ERLEC1: variants seen among roughly 807,000 people sequenced by gnomAD.
ERLEC1 encodes the protein endoplasmic reticulum lectin 1.
ERLEC1 carries 47 observed loss-of-function variants against 68.0 expected under a neutral mutation model. That is an observed-to-expected ratio of 0.69 (90% CI 0.55 to 0.88). The LOEUF is 0.88. ERLEC1 is among the 40% of genes least tolerant of loss of function. The pLI is 0.00. For missense variants in ERLEC1, 567 were observed against 583.8 expected (o/e 0.97, Z 0.30); for synonymous variants, 225 against 203.2 (o/e 1.11, Z -0.91).
rs1425368918 is a variant in ERLEC1, at chr2:53,814,933, G to C, written c.1378G>C (p.Gly460Arg). Residue 460 changes from glycine (G) to arginine (R), a missense_variant and splice_region_variant, in exon 13 of 14, where the codon GGG (glycine) becomes CGG (arginine). Physicochemically the swap from Gly to Arg is moderately radical, Grantham distance 125. Coordinates refer to ENST00000185150, the MANE Select transcript of ERLEC1 (RefSeq NM_015701.5). ...LEPHSCQYIL[G>R]VESPVICKIL... is the part of the protein sequence containing the mutation. ...GCCTCACTCCTGTCAATATATTCTT[G>C]GGGTAAGTTAAAAAGAAAATAATCA... The C allele has an allele frequency of 1.3e-6, 2 of 1,564,372 alleles. No individual in the cohort carries two copies. The highest frequency in any genetic ancestry group is 1.4e-5 in the African/African-American group (1 of 73,230).
intron 13 of ERLEC1, among the ~76,000 whole-genome samples, chr2:53,815,340 G>A (rs1304212284): frequency 6.6e-6 from 1 of 152,072 alleles, no homozygotes; most frequent in Non-Finnish European, 1.5e-5. Flanking sequence ...AGTTTAGGAA[G>A]GACCTTCAGT....
In ERLEC1 at chr2:53,796,273, C is replaced by A. The variant is rs13407909; in HGVS notation, c.348+260C>A. ...TTTTTTTTTTTTTTTTCTTTTAATC[C>A]TCTCCCTCCTCCCATTCTTTACCTT... On this transcript the variant is annotated intron_variant, in intron 3 of 13. Coordinates refer to ENST00000185150, the MANE Select transcript of ERLEC1 (RefSeq NM_015701.5). 5.5e-3 allele frequency among the ~76,000 whole-genome samples: 778 copies of A among 141,834 alleles called. 11 individuals are homozygous for A. The highest frequency in any genetic ancestry group is 0.019 in the African/African-American group (740 of 38,298). The allele number at this position is 141,834 out of a possible 152,430, so 93.0% of individuals were successfully genotyped here.
In ERLEC1 at chr2:53,812,104, T is replaced by C. The variant is rs116142841; in HGVS notation, c.1102-845T>C. On this transcript the variant is annotated intron_variant, in intron 10 of 13. Transcript: ENST00000185150. ...GGCTAATTTTGTATTTTTAGTAGAG[T>C]AGTTTCTACATGTTGGTCAGGCCGG... 8.3e-3 allele frequency among the ~76,000 whole-genome samples: 1,257 copies of C among 151,878 alleles called. 13 individuals carry two copies. Among genetic ancestry groups the C allele is most frequent in the African/African-American group, 0.029 (1,197 of 41,446 alleles).
intron 2 of ERLEC1, among the ~76,000 whole-genome samples, chr2:53,794,740 C>T (rs573340695): frequency 8.5e-5 from 13 of 152,106 alleles, no homozygotes; most frequent in East Asian, 1.9e-4. Context: ...CTGCAACCTC[C>T]GACTCCCGGG....
intron 1 of ERLEC1, among the ~76,000 whole-genome samples, chr2:53,790,469 A>G (rs1675330771): frequency 6.6e-6 from 1 of 152,184 alleles, no homozygotes; most frequent in Admixed American, 6.5e-5. Context: ...TCTGTTTACT[A>G]ACTGAAATTG....
At chr2:53,796,252 T>G (rs1483726143) in intron 3 of ERLEC1, among the ~76,000 whole-genome samples, 1 of 151,104 alleles carries the variant, frequency 6.6e-6, no homozygotes, top group Non-Finnish European at 1.5e-5. Flanking sequence ...GTTGGTTTTT[T>G]TTTTTTTTTT....
intron 5 of ERLEC1, 136 bp from the exon 6 acceptor site, chr2:53,798,911 G>T (rs1398200327): frequency 1.8e-6 from 1 of 552,554 alleles, no homozygotes; most frequent in African/African-American, 1.9e-5. Flanking sequence ...TAGCTTTAAA[G>T]TAGTAAGATA....
chr2:53,791,906 T>TAAAA (rs569591198), intron 1 of ERLEC1, among the ~76,000 whole-genome samples: 3 of 117,764 alleles, frequency 2.5e-5, no homozygotes, highest in East Asian at 3.0e-4. Context: ...AATGCTCTTT[T>TAAAA]AAAAAAAAAA....
intron 11 of ERLEC1, among the ~76,000 whole-genome samples, chr2:53,813,305 C>T (rs137891969): frequency 6.6e-6 from 1 of 152,252 alleles, no homozygotes; most frequent in East Asian, 1.9e-4. Flanking sequence ...TCACTTCCTA[C>T]CTTGGAGAAA....
intron 9 of ERLEC1, 51 bp downstream of exon 9, chr2:53,808,511 AG>A (rs745524522): frequency 6.3e-7 from 1 of 1,578,754 alleles, no homozygotes; most frequent in South Asian, 1.1e-5. Context: ...TTTACCTGCC[AG>A]GTATGGTCAG....
chr2:53,794,642 A>G (rs537007490), intron 2 of ERLEC1, among the ~76,000 whole-genome samples, 193 bp downstream of exon 2: 3 of 151,746 alleles, frequency 2.0e-5, no homozygotes, highest in African/African-American at 7.2e-5. Flanking sequence ...TTAGCAATCA[A>G]TTTTTTTTTA....
chr2:53,804,534 C>A (rs1676176142), intron 8 of ERLEC1, among the ~76,000 whole-genome samples: 1 of 152,168 alleles, frequency 6.6e-6, no homozygotes, highest in Non-Finnish European at 1.5e-5. Flanking sequence ...CCTCGGCCTT[C>A]CACAGTGCTG....
chr2:53,799,250 A>G (rs1299668103), intron 6 of ERLEC1, among the ~76,000 whole-genome samples, 169 bp downstream of exon 6: 1 of 152,164 alleles, frequency 6.6e-6, no homozygotes, highest in East Asian at 1.9e-4. Flanking sequence ...TTTTCCGAGA[A>G]AAGTTACACT....
intron 8 of ERLEC1, 98 bp from the exon 9 acceptor site, chr2:53,808,201 C>T: frequency 7.6e-7 from 1 of 1,322,730 alleles, no homozygotes; most frequent in Non-Finnish European, 1.0e-6. Flanking sequence ...ATTTATTTTT[C>T]AAATTTTCTG....
chr2:53,807,884 G>A (rs1488628418), intron 8 of ERLEC1, among the ~76,000 whole-genome samples: 1 of 151,810 alleles, frequency 6.6e-6, no homozygotes, highest in Non-Finnish European at 1.5e-5. Context: ...AAAATGCCAG[G>A]CGTGGTGGCA....
rs1456653238 is a variant in ERLEC1 at position 53,818,217 on chromosome 2, T to C, written c.*248T>C. The C allele has an allele frequency of 3.3e-6, 1 of 299,892 alleles. No homozygotes were observed. The highest frequency in any genetic ancestry group is 6.2e-6 in the Non-Finnish European group (1 of 160,682). The allele number at this position is 299,892 out of a possible 1,614,324, so 18.6% of individuals were successfully genotyped here. ...AACTGACTGTTTTTCTTTGCTTGGA[T>C]ACTGTGATTCCAAAATAAATCTCAT... On this transcript the variant is annotated 3_prime_UTR_variant, in exon 14 of 14. Coordinates refer to ENST00000185150, the MANE Select transcript of ERLEC1 (RefSeq NM_015701.5).
At chr2:53,804,204 A>C (rs747906411) in intron 8 of ERLEC1, among the ~76,000 whole-genome samples, 1 of 152,166 alleles carries the variant, frequency 6.6e-6, no homozygotes, top group Non-Finnish European at 1.5e-5. Context: ...GGTACATAGC[A>C]GGTGTATATA....
At chr2:53,815,007 T>G (rs1003084184) in intron 13 of ERLEC1, 72 bp downstream of exon 13, 70 of 1,017,608 alleles carry the variant, frequency 6.9e-5, no homozygotes, top group Non-Finnish European at 8.0e-5. Flanking sequence ...TTTTTTTTTT[T>G]TTTTTTTTTG....
intron 12 of ERLEC1, 27 bp from the exon 13 acceptor site, chr2:53,814,833 A>C (rs769407769): frequency 3.3e-6 from 5 of 1,528,880 alleles, no homozygotes; most frequent in African/African-American, 2.8e-5. Flanking sequence ...TGATTTGGAC[A>C]GTACCTTAAA....
Sources: allele counts gnomAD v4.1 joint callset (sites outside exome capture counted in the v4.1 genomes callset), GRCh38; gene constraint gnomAD v4.1.1; transcripts MANE v1.5; gene names NCBI Gene and HGNC (gene_info 2026-07-23, HGNC 2026-07-21).